The following SUMF1 variants were observed in gnomAD, a reference collection of about 807,000 sequenced individuals.
SUMF1 encodes sulfatase modifying factor 1.
In SUMF1, 48 loss-of-function variants were observed where a neutral mutation model predicts 47.6. The observed-to-expected ratio is 1.01, with a 90% CI of 0.80 to 1.28. SUMF1 has a LOEUF of 1.28. Among genes scored for constraint, SUMF1 ranks in the 50% most tolerant of loss-of-function variants. The pLI is 0.00. For synonymous variants in SUMF1, 230 were observed against 192.1 expected (o/e 1.20, Z -1.63); for missense variants, 571 against 485.4 (o/e 1.18, Z -1.66).
chr3:4,106,715 AT>A lies in SUMF1; in HGVS notation c.1015-37971del, dbSNP rs1047903819. Among the ~76,000 whole-genome samples the A allele has an allele frequency of 3.7e-4, 56 of 152,198 alleles. 1 individual carries two copies. Among genetic ancestry groups the A allele is most frequent in the African/African-American group, 1.2e-3 (51 of 41,522 alleles). On this transcript the variant is annotated intron_variant and NMD_transcript_variant, in intron 8 of 12. Transcript: ENST00000448413. ...GACTCTACTTGAATCCTTAAAATTA[AT>A]TTGTCCTCCCAATGAGGGTTTGCTG...
At chr3:4,077,801 A>G (rs1692472499) in intron 8 of SUMF1, among the ~76,000 whole-genome samples, 1 of 152,190 alleles carries the variant, frequency 6.6e-6, no homozygotes, top group South Asian at 2.1e-4. Flanking sequence ...AACTTAAAGT[A>G]TAATAAAAAA....
intron 8 of SUMF1, chr3:4,316,842 G>T (rs780052945): frequency 6.5e-7 from 1 of 1,550,094 alleles, no homozygotes; most frequent in South Asian, 1.2e-5. Flanking sequence ...TCTGAATCCC[G>T]GTGAAACCAT....
chr3:4,291,343 T>C (rs1697738422), intron 8 of SUMF1, among the ~76,000 whole-genome samples: 1 of 152,128 alleles, frequency 6.6e-6, no homozygotes, highest in Admixed American at 6.5e-5. Context: ...ACTCCCATCT[T>C]ATTCCTGCTT....
rs376654924 is a variant in SUMF1, at chr3:4,327,970, C to T, written c.1014+48360G>A. Among the ~76,000 whole-genome samples, 73 of 152,330 alleles carry T rather than the reference C, an allele frequency of 4.8e-4. 2 individuals carry two copies. In the South Asian group the frequency reaches 0.013, roughly 27 times the overall value. On this transcript the variant is annotated intron_variant and NMD_transcript_variant, in intron 8 of 12. Coordinates refer to the SUMF1 transcript ENST00000448413. ...GCAGCTCACACTTGTAATCTCAACA[C>T]TTTGGGAAGCCAAAGTCAGAGGATC...
At chr3:4,448,698 T>C (rs1024197750) in intron 3 of SUMF1, among the ~76,000 whole-genome samples, 6 of 152,204 alleles carry the variant, frequency 3.9e-5, no homozygotes, top group Non-Finnish European at 5.9e-5. Flanking sequence ...TTTGTTTCCA[T>C]GTCTGAGAAA....
chr3:4,155,501 C>T (rs1293626356), intron 8 of SUMF1, among the ~76,000 whole-genome samples: 3 of 151,408 alleles, frequency 2.0e-5, no homozygotes, highest in Non-Finnish European at 2.9e-5. Flanking sequence ...GGCTCCTTCC[C>T]TCCTGGCAGC....
At chr3:4,080,103 C>A (rs369977941) in intron 8 of SUMF1, among the ~76,000 whole-genome samples, 28 of 151,912 alleles carry the variant, frequency 1.8e-4, no homozygotes, top group African/African-American at 6.5e-4. Context: ...CACTTTTACC[C>A]GTAGTTCACT....
At position 4,273,095 on chromosome 3, in the gene SUMF1, C is replaced by CA. The variant is rs1553615626; in HGVS notation, c.1014+103234dup. Among the ~76,000 whole-genome samples the CA allele has an allele frequency of 3.4e-5, 5 of 148,490 alleles. No individual in the cohort carries two copies. In the East Asian group the frequency reaches 9.8e-4, roughly 29 times the overall value. On this transcript the variant is annotated intron_variant and NMD_transcript_variant, in intron 8 of 12. Coordinates refer to the SUMF1 transcript ENST00000448413. ...ACATATATATAAATATATATACACA[C>CA]ATATATATATACATATATATATACA... is the stretch of plus-strand genomic sequence containing the variant.
At chr3:4,231,212 A>C (rs1696291781) in intron 8 of SUMF1, among the ~76,000 whole-genome samples, 2 of 152,136 alleles carry the variant, frequency 1.3e-5, no homozygotes. Flanking sequence ...ATTTATTACA[A>C]GAAAATGAGG....
chr3:4,034,553 A>G (rs1419027370), intron 9 of SUMF1, among the ~76,000 whole-genome samples: 1 of 152,144 alleles, frequency 6.6e-6, no homozygotes, highest in Non-Finnish European at 1.5e-5. Context: ...AAAGCAAAGA[A>G]ATTGCAGAAG....
chr3:4,289,975 T>C (rs947158448), intron 8 of SUMF1, among the ~76,000 whole-genome samples: 1 of 152,238 alleles, frequency 6.6e-6, no homozygotes, highest in African/African-American at 2.4e-5. Context: ...TTTGCAACTA[T>C]TGGCAGATCT....
intron 9 of SUMF1, among the ~76,000 whole-genome samples, chr3:4,038,144 A>C (rs1467003582): frequency 6.6e-6 from 1 of 152,048 alleles, no homozygotes; most frequent in Admixed American, 6.5e-5. Context: ...ATATTTCCTC[A>C]CCAACTTGGA....
intron 8 of SUMF1, among the ~76,000 whole-genome samples, chr3:4,130,699 T>C (rs565697494): frequency 8.5e-5 from 13 of 152,116 alleles, no homozygotes; most frequent in African/African-American, 3.1e-4. Flanking sequence ...TTGCTGTATT[T>C]GTCCCCTCCT....
In SUMF1 at chr3:4,303,657, C is replaced by T. The variant is rs201472604; in HGVS notation, c.1014+72673G>A. 6.9e-6 allele frequency: 10 copies of T among 1,441,306 alleles called. No individual in the cohort carries two copies. The East Asian group carries it at 2.6e-4, about 37-fold the overall frequency. 89.3% of individuals were successfully genotyped at this position (1,441,306 alleles called of 1,614,324 possible). On this transcript the variant is annotated intron_variant and NMD_transcript_variant, in intron 8 of 12. Coordinates refer to the SUMF1 transcript ENST00000448413. The stretch of plus-strand genomic sequence containing the variant: ...CTCTTACAGCGCACCCGTTGGTGCG[C>T]GGGAATAGGTGTGCATGCCCCGGCC...
intron 8 of SUMF1, among the ~76,000 whole-genome samples, chr3:4,167,406 T>C (rs1241256097): frequency 6.6e-6 from 1 of 152,138 alleles, no homozygotes; most frequent in African/African-American, 2.4e-5. Flanking sequence ...TGGTCCATTT[T>C]ATAAAGTGCT....
intron 8 of SUMF1, among the ~76,000 whole-genome samples, chr3:4,178,836 A>T (rs1401492281): frequency 6.6e-6 from 1 of 152,228 alleles, no homozygotes; most frequent in African/African-American, 2.4e-5. Flanking sequence ...AAGCAACTTC[A>T]GCAAAGTCTC....
At chr3:4,185,236 T>C (rs747820900) in intron 8 of SUMF1, among the ~76,000 whole-genome samples, 3 of 152,176 alleles carry the variant, frequency 2.0e-5, no homozygotes, top group African/African-American at 2.4e-5. Context: ...AAAGAGATGA[T>C]TGAACATCAT....
intron 8 of SUMF1, chr3:4,313,504 G>C: frequency 1.2e-6 from 2 of 1,613,754 alleles, no homozygotes; most frequent in Non-Finnish European, 1.7e-6. Context: ...TATTGTGCCA[G>C]AAGAAGAACT....
chr3:4,156,576 C>T (rs1026532669), intron 8 of SUMF1, among the ~76,000 whole-genome samples: 1 of 151,570 alleles, frequency 6.6e-6, no homozygotes, highest in Admixed American at 6.6e-5. Context: ...TACCTTGTCA[C>T]CAAGCTAAAA....
Sources: gnomAD v4.1 joint callset for allele counts (sites outside exome capture counted in the v4.1 genomes callset) on GRCh38, gnomAD v4.1.1 for gene constraint, MANE v1.5 for transcripts, NCBI Gene and HGNC (gene_info 2026-07-23, HGNC 2026-07-21) for gene names.